The following MYOM2 variants were observed in gnomAD, a reference collection of about 807,000 sequenced individuals.
MYOM2 encodes the protein myomesin-2.
Under a neutral mutation model 187.6 loss-of-function variants are expected in MYOM2, and 254 were observed. The ratio of observed to expected loss-of-function variants is 1.35; its 90% CI spans 1.22 to 1.50. The LOEUF is 1.50. MYOM2 is among the 40% of genes most tolerant of loss of function. The pLI is 0.00. For synonymous variants in MYOM2, 981 were observed against 753.8 expected, an observed-to-expected ratio of 1.30 and a Z score of -4.94; for missense variants, 2,796 against 1,924.0, an observed-to-expected ratio of 1.45 and a Z score of -8.48.
chr8:2,070,087 G>C (rs1381139340), intron 8 of MYOM2, among the ~76,000 whole-genome samples: 2 of 152,196 alleles, frequency 1.3e-5, no homozygotes, highest in East Asian at 1.9e-4. Context: ...CACCCTAGCA[G>C]TCCCATGGTG....
chr8:2,083,569 C>T (rs7838972), intron 13 of MYOM2, among the ~76,000 whole-genome samples: 135,577 of 152,234 alleles, frequency 0.89, 60,384 homozygotes, highest in South Asian at 0.97. Context: ...CTCGTGTGCT[C>T]AGCAGTATCT....
chr8:2,083,060 A>G (rs1819683784), intron 13 of MYOM2, among the ~76,000 whole-genome samples: 2 of 152,352 alleles, frequency 1.3e-5, no homozygotes, highest in Middle Eastern at 3.4e-3. Context: ...AACCAATAGT[A>G]TCTTCCTCCA....
chr8:2,094,884 G>C (rs1310018382), intron 17 of MYOM2, among the ~76,000 whole-genome samples: 1 of 152,148 alleles, frequency 6.6e-6, no homozygotes, highest in African/African-American at 2.4e-5. Flanking sequence ...ACCGTCCCTA[G>C]AACAGTTGCT....
intron 8 of MYOM2, among the ~76,000 whole-genome samples, chr8:2,071,772 G>T (rs1344493485): frequency 6.6e-6 from 1 of 152,228 alleles, no homozygotes; most frequent in African/African-American, 2.4e-5. Flanking sequence ...GGAGGCAGAA[G>T]CCTGACACTC....
Position 2,143,414 on chromosome 8 carries a change from G to A in MYOM2, c.4038G>A (p.Leu1346=), listed in dbSNP as rs750675418. Residue 1346 remains leucine (L), a synonymous_variant, in exon 36 of 37, where the codon TTG becomes TTA. Transcript: ENST00000262113. The part of the protein sequence containing the change: ...AAFAEKNRGR[L]IGGLPDVVTI... ...TTCCCGTTGCAGATCGTGGCAGGTT[G>A]ATCGGCGGCTTGCCTGACGTGGTGA... 7.4e-6 allele frequency: 12 copies of A among 1,614,058 alleles called. No homozygotes were observed. The highest frequency in any genetic ancestry group is 8.5e-6 in the Non-Finnish European group (10 of 1,180,052).
At chr8:2,127,472 A>G (rs1371408590) in intron 31 of MYOM2, among the ~76,000 whole-genome samples, 10 of 152,188 alleles carry the variant, frequency 6.6e-5, no homozygotes, top group Non-Finnish European at 8.8e-5. Flanking sequence ...GATGGGCTCA[A>G]ATTCTGTCAT....
chr8:2,125,284 G>A lies in MYOM2; in HGVS notation c.3694+1067G>A, dbSNP rs112190945. Among the ~76,000 whole-genome samples, 1,218 of 152,246 alleles carry A rather than the reference G, an allele frequency of 8.0e-3. 16 individuals are homozygous for A. Among genetic ancestry groups the A allele is most frequent in the African/African-American group, 0.028 (1,157 of 41,550 alleles). On this transcript the variant is annotated intron_variant, in intron 31 of 36. Transcript: ENST00000262113. ...TTTTCCATGTGGCATAAGTTAAAGC[G>A]CCAATTTCACTCTTCTGCATGTGGA...
intron 17 of MYOM2, 99 bp from the exon 18 acceptor site, chr8:2,096,148 G>C: frequency 2.6e-6 from 3 of 1,171,732 alleles, no homozygotes; most frequent in Non-Finnish European, 3.7e-6. Context: ...CCGTCTCCAC[G>C]TTGCTTCCTC....
intron 34 of MYOM2, among the ~76,000 whole-genome samples, chr8:2,141,540 C>G (rs937352613): frequency 6.6e-6 from 1 of 152,146 alleles, no homozygotes; most frequent in Non-Finnish European, 1.5e-5. Context: ...GGAGCGCTTT[C>G]TTTTACAGAC....
rs761817959 is a variant in MYOM2, at chr8:2,069,329, C to T, written c.705C>T (p.His235=). 5.0e-6 allele frequency: 8 copies of T among 1,613,926 alleles called. No homozygotes were observed. Among genetic ancestry groups the T allele is most frequent in the Admixed American group, 1.7e-5 (1 of 60,034 alleles). ...ATYSAVATNA[H]GQVSTNAAVV... Reference sequence around the variant, plus strand: ...ACTCAGCAGTGGCCACCAATGCCCACGGACAAGTGTCCACCAACGCGGCGG... The same window carrying T: ...ACTCAGCAGTGGCCACCAATGCCCATGGACAAGTGTCCACCAACGCGGCGG... Residue 235 remains histidine (H), a synonymous_variant, in exon 7 of 37, where the codon CAC becomes CAT. Coordinates refer to ENST00000262113, the MANE Select transcript of MYOM2 (RefSeq NM_003970.4).
chr8:2,083,466 G>A (rs1819703509), intron 13 of MYOM2, among the ~76,000 whole-genome samples: 1 of 151,870 alleles, frequency 6.6e-6, no homozygotes, highest in Admixed American at 6.6e-5. Flanking sequence ...CATGTGCTTA[G>A]CACCATCTCG....
At chr8:2,101,845 A>C (rs908954971) in intron 20 of MYOM2, among the ~76,000 whole-genome samples, 3 of 152,222 alleles carry the variant, frequency 2.0e-5, no homozygotes, top group South Asian at 2.1e-4. Flanking sequence ...ACATGGAGCA[A>C]AACTATCATG....
At chr8:2,126,506 TCA>T (rs1187332617) in intron 31 of MYOM2, among the ~76,000 whole-genome samples, 5 of 152,110 alleles carry the variant, frequency 3.3e-5, no homozygotes, top group African/African-American at 7.2e-5. Flanking sequence ...ACATGTGAAC[TCA>T]CACACTGACA....
rs1252573125 is a variant in MYOM2 at position 2,078,828 on chromosome 8, T to A, written c.1357T>A (p.Tyr453Asn). ...CACAGGGCTTTTTGAAGGAAGGTCTTACATATTCCGAGTGAGGGCAGTGAA... is the reference window on the plus strand; with the variant it reads ...CACAGGGCTTTTTGAAGGAAGGTCTAACATATTCCGAGTGAGGGCAGTGAA... Reference protein sequence around the residue: ...PVTGLFEGRSYIFRVRAVNSA... With the variant: ...PVTGLFEGRSNIFRVRAVNSA... The change falls in exon 12 of 37, where the codon TAC (tyrosine) becomes AAC (asparagine). Residue 453 changes from tyrosine (Y) to asparagine (N), a missense_variant. Physicochemically the swap from Tyr to Asn is moderately radical, Grantham distance 143 (BLOSUM62 -2). Coordinates refer to ENST00000262113, the MANE Select transcript of MYOM2 (RefSeq NM_003970.4). 1 of 1,614,184 alleles carries A rather than the reference T, an allele frequency of 6.2e-7. No homozygotes were observed. The highest frequency in any genetic ancestry group is 1.7e-5 in the Admixed American group (1 of 60,026).
chr8:2,073,600 G>T (rs1476539515), intron 10 of MYOM2, 100 bp downstream of exon 10: 2 of 1,371,014 alleles, frequency 1.5e-6, no homozygotes, highest in Non-Finnish European at 1.9e-6. Context: ...AGTCCAGAGG[G>T]TGTGAGACCA....
At chr8:2,061,225 G>A (rs1292894841) in intron 6 of MYOM2, among the ~76,000 whole-genome samples, 1 of 152,070 alleles carries the variant, frequency 6.6e-6, no homozygotes, top group Non-Finnish European at 1.5e-5. Context: ...TGTTTAGTGA[G>A]GGAGGGCGTC....
In MYOM2 at chr8:2,098,920, A is replaced by G; in HGVS notation, c.2377A>G (p.Ile793Val). Residue 793 changes from isoleucine to valine, a missense_variant, in exon 19 of 37, where the codon ATC (isoleucine) becomes GTC (valine). Coordinates refer to ENST00000262113, the MANE Select transcript of MYOM2 (RefSeq NM_003970.4). ...FKIAAVNLAG[I>V]GEPSDPSEHF... Reference sequence around the variant, plus strand: ...AATCGCCGCCGTCAACCTGGCCGGCATCGGGGAGCCCTCAGATCCCAGTGA... The same window carrying G: ...AATCGCCGCCGTCAACCTGGCCGGCGTCGGGGAGCCCTCAGATCCCAGTGA... 1 of 1,613,514 alleles carries G rather than the reference A, an allele frequency of 6.2e-7. No individual in the cohort carries two copies. The highest frequency in any genetic ancestry group is 2.2e-5 in the East Asian group (1 of 44,866).
In MYOM2 at chr8:2,073,488, C is replaced by A. The variant is rs778435556; in HGVS notation, c.1108C>A (p.Leu370Met). ...CGGCGTCAGCGACCACAGCGCCTTC[C>A]TGTTTGTCAGAGGTGCGGGCAGCAG... The part of the protein sequence containing the change: ...RGGVSDHSAF[L>M]FVRDADPLVT... Residue 370 changes from leucine to methionine, a missense_variant, in exon 10 of 37, where the codon CTG becomes ATG. Transcript: ENST00000262113. 1 of 1,604,498 alleles carries A rather than the reference C, an allele frequency of 6.2e-7. No homozygotes were observed. The highest frequency in any genetic ancestry group is 8.5e-7 in the Non-Finnish European group (1 of 1,178,518).
rs1298630653 is a variant in MYOM2, at chr8:2,123,634, C to T, written c.3647C>T (p.Ala1216Val). The T allele has an allele frequency of 1.2e-6, 2 of 1,613,972 alleles. No homozygotes were observed. Among genetic ancestry groups the T allele is most frequent in the Non-Finnish European group, 8.5e-7 (1 of 1,179,824 alleles). Residue 1216 changes from alanine to valine, a missense_variant, in exon 30 of 37, where the codon GCT becomes GTT. Ala to Val is a moderately conservative substitution (Grantham distance 64). Transcript: ENST00000262113. ...CAAGATGTGTCCATCCTTGAAATAG[C>T]TGGCAAAGGTAAAAGAAAACCTCCT... ...RGQDVSILEI[A>V]GKVYDDMILA... is the part of the protein sequence containing the mutation.
Sources: gnomAD v4.1 joint callset for allele counts (sites outside exome capture counted in the v4.1 genomes callset) on GRCh38, gnomAD v4.1.1 for gene constraint, MANE v1.5 for transcripts, NCBI Gene and HGNC (gene_info 2026-07-23, HGNC 2026-07-21) for gene names.